CELF2: variants seen among roughly 807,000 people sequenced by gnomAD.
CELF2 encodes CUG triplet repeat RNA-binding protein 2.
Under a neutral mutation model 62.6 loss-of-function variants are expected in CELF2, and 8 were observed. The ratio of observed to expected loss-of-function variants is 0.13; its 90% CI spans 0.07 to 0.23. CELF2 has a LOEUF of 0.23. CELF2 is among the 10% of genes least tolerant of loss of function. The probability of loss-of-function intolerance (pLI) is 1.00; values close to 1 mark genes in which losing one functional copy is unlikely to be tolerated. For synonymous variants in CELF2, 258 were observed against 250.0 expected (o/e 1.03, Z -0.30); for missense variants, 333 against 671.0 (o/e 0.50, Z 5.56).
At chr10:10,542,717 G>A in the CELF2 span, among the ~76,000 whole-genome samples, 2 of 152,158 alleles carry the variant, frequency 1.3e-5, no homozygotes, top group East Asian at 1.9e-4. Flanking sequence ...AAAAATTAGG[G>A]AAGCTGTGAG....
At chr10:10,917,214 G>A (rs1013726992) in intron 1 of CELF2, among the ~76,000 whole-genome samples, 1 of 152,156 alleles carries the variant, frequency 6.6e-6, no homozygotes, top group African/African-American at 2.4e-5. Flanking sequence ...AAGCAAAGCA[G>A]GTGCTCTTAG....
chr10:10,769,997 G>A, the CELF2 span, among the ~76,000 whole-genome samples: 4 of 152,164 alleles, frequency 2.6e-5, no homozygotes, highest in East Asian at 5.8e-4. Flanking sequence ...GTGATGGGGG[G>A]TTAGAAAGAA....
the CELF2 span, among the ~76,000 whole-genome samples, chr10:10,754,890 C>G: frequency 6.6e-6 from 1 of 152,214 alleles, no homozygotes; most frequent in African/African-American, 2.4e-5. Flanking sequence ...AGCAAGCCAT[C>G]GGCGTCAGTC....
At chr10:11,051,883 G>C (rs1037446013) in intron 1 of CELF2, among the ~76,000 whole-genome samples, 1 of 149,214 alleles carries the variant, frequency 6.7e-6, no homozygotes, top group Non-Finnish European at 1.5e-5. Flanking sequence ...TTTTTTGTGT[G>C]TGTATGTATT....
At chr10:10,526,217 A>G in the CELF2 span, among the ~76,000 whole-genome samples, 6 of 152,240 alleles carry the variant, frequency 3.9e-5, no homozygotes, top group South Asian at 2.1e-4. Flanking sequence ...TGCTCAAACT[A>G]TCACTGCAAA....
intron 2 of CELF2, among the ~76,000 whole-genome samples, chr10:10,975,142 C>G (rs917553604): frequency 1.3e-5 from 2 of 152,102 alleles, no homozygotes; most frequent in Non-Finnish European, 2.9e-5. Flanking sequence ...TCCCAAGGCA[C>G]AGTCTTGCTC....
the CELF2 span, among the ~76,000 whole-genome samples, chr10:10,570,668 CA>C: frequency 6.6e-6 from 1 of 151,556 alleles, no homozygotes; most frequent in African/African-American, 2.4e-5. Context: ...TAAGATGCCA[CA>C]ATATAAGAGT....
At chr10:10,629,638 C>T in the CELF2 span, among the ~76,000 whole-genome samples, 14,865 of 151,954 alleles carry the variant, frequency 0.098, 1,360 homozygotes, top group African/African-American at 0.24. Context: ...AACTGAGATA[C>T]TTCAGGAATA....
At chr10:11,235,501 C>A (rs1174275112) in intron 3 of CELF2, among the ~76,000 whole-genome samples, 2 of 152,166 alleles carry the variant, frequency 1.3e-5, no homozygotes, top group Non-Finnish European at 2.9e-5. Context: ...GCTCTACCAA[C>A]CAGTATTTTC....
At chr10:10,795,114 C>T (rs1452650639), upstream of CELF2, 4 of 151,978 alleles carry the variant, frequency 2.6e-5, no homozygotes, top group African/African-American at 9.7e-5. Flanking sequence ...TTGGCTTCTC[C>T]ACCGAAGAAA....
chr10:10,935,752 G>T (rs1423118041), intron 2 of CELF2, among the ~76,000 whole-genome samples: 1 of 152,112 alleles, frequency 6.6e-6, no homozygotes, highest in Non-Finnish European at 1.5e-5. Context: ...ATAATCCAGT[G>T]GTTCTGCAAA....
chr10:11,179,258 A>T lies in CELF2; in HGVS notation c.271+13576A>T, dbSNP rs1222448423. On this transcript the variant is annotated intron_variant, in intron 2 of 12. Transcript: ENST00000633077. ...TTTCCTGGCATTCATTCAAATAAAA[A>T]TAGGCACGTAATACTGTACTGTTAA... Among the ~76,000 whole-genome samples, 5 of 150,702 alleles carry T rather than the reference A, an allele frequency of 3.3e-5. No homozygotes were observed. In the East Asian group the frequency reaches 8.1e-4, roughly 24 times the overall value.
At position 10,936,532 on chromosome 10, in the gene CELF2, T is replaced by C. The variant is rs150872745; in HGVS notation, c.89+16533T>C. On this transcript the variant is annotated intron_variant, in intron 2 of 13. Coordinates refer to the CELF2 transcript ENST00000636488. This position sits in a 1 kb window ranked among gnomAD's most constrained non-coding sequence, Gnocchi z 4.0. ...GATCACTGGACAAGCTAACATTTTC[T>C]TGGGGTGGATGGAGTCCAGTTATCA... 387 of 152,336 alleles carry C rather than the reference T, an allele frequency of 2.5e-3. 4 individuals carry two copies. The highest frequency in any genetic ancestry group is 8.9e-3 in the African/African-American group (369 of 41,568). The allele number at this position is 152,336 out of a possible 1,614,324, so 9.4% of individuals were successfully genotyped here. A position where few individuals can be genotyped will look rare whatever the true frequency, so the allele number is the denominator to read the frequency against.
chr10:10,833,586 G>A (rs1386565825), intron 1 of CELF2, among the ~76,000 whole-genome samples: 2 of 152,212 alleles, frequency 1.3e-5, no homozygotes, highest in South Asian at 2.1e-4. Context: ...TGTGAATCGT[G>A]ATGATGCGAA....
At chr10:10,716,909 C>G in the CELF2 span, among the ~76,000 whole-genome samples, 1 of 152,160 alleles carries the variant, frequency 6.6e-6, no homozygotes, top group Non-Finnish European at 1.5e-5. Context: ...CCTAACATAA[C>G]TAATCAATAC....
chr10:10,774,879 A>T, the CELF2 span, among the ~76,000 whole-genome samples: 2 of 133,136 alleles, frequency 1.5e-5, no homozygotes, highest in African/African-American at 5.9e-5. Context: ...ATTTTTATTT[A>T]TTTATTTTTT....
chr10:11,088,383 G>T (rs758191162), intron 1 of CELF2, among the ~76,000 whole-genome samples: 2 of 152,230 alleles, frequency 1.3e-5, no homozygotes, highest in Non-Finnish European at 2.9e-5. Flanking sequence ...CAGAGAATGT[G>T]ATGTTAGGCT....
At chr10:11,273,963 T>TC (rs1327067763) in intron 7 of CELF2, among the ~76,000 whole-genome samples, 286 of 16,768 alleles carry the variant, frequency 0.017, 1 homozygote, top group African/African-American at 0.036. Context: ...CCTCAAGTGA[T>TC]CCCCACCCCC....
intron 1 of CELF2, among the ~76,000 whole-genome samples, chr10:11,031,238 C>A (rs959930717): frequency 5.9e-5 from 9 of 152,156 alleles, no homozygotes; most frequent in African/African-American, 2.2e-4. Flanking sequence ...CGTTTTTACT[C>A]CCTCCTCCTT....
Sources: gnomAD v4.1 joint callset for allele counts (sites outside exome capture counted in the v4.1 genomes callset) on GRCh38, gnomAD v4.1.1 for gene constraint, Gnocchi (gnomAD v3.1) non-coding constraint, MANE v1.5 for transcripts, NCBI Gene and HGNC (gene_info 2026-07-23, HGNC 2026-07-21) for gene names.